AHRR: variants seen among roughly 807,000 people sequenced by gnomAD.
AHRR encodes ahR repressor.
AHRR carries 28 observed loss-of-function variants against 44.0 expected under a neutral mutation model. The ratio of observed to expected loss-of-function variants is 0.64; its 90% CI spans 0.47 to 0.87. AHRR has a LOEUF of 0.87. Among genes scored for constraint, AHRR ranks in the 40% least tolerant of loss-of-function variants. The probability of loss-of-function intolerance (pLI) is 0.00; values close to 1 mark genes in which losing one functional copy is unlikely to be tolerated. For synonymous variants in AHRR, 434 were observed against 407.0 expected, an observed-to-expected ratio of 1.07 and a Z score of -0.80; for missense variants, 990 against 953.9, an observed-to-expected ratio of 1.04 and a Z score of -0.50.
rs1236208707 is a variant in AHRR, at chr5:337,758, A to G, written c.-10-6135A>G. Among the ~76,000 whole-genome samples the G allele has an allele frequency of 6.6e-6, 1 of 152,072 alleles. No individual in the cohort carries two copies. Among genetic ancestry groups the G allele is most frequent in the Non-Finnish European group, 1.5e-5 (1 of 67,982 alleles). On this transcript the variant is annotated intron_variant, in intron 1 of 10. Transcript: ENST00000684583. The surrounding 1 kb of genome is among the most constrained non-coding windows in gnomAD (Gnocchi z 4.1). ...CGCTTGGAAGGGGGCTCCCTTCCCA[A>G]AGCTGGGGCTCGGGCCTCATTGGAG...
In AHRR at chr5:338,032, C is replaced by T. The variant is rs1742202834; in HGVS notation, c.-10-5861C>T. ...TGGAGAGTCTGGAGCCTACAGGCAA[C>T]AAACAGGTAGCTGGCACAGCTTCTG... is the stretch of plus-strand genomic sequence containing the variant. On this transcript the variant is annotated intron_variant, in intron 1 of 10. Transcript: ENST00000684583. The surrounding 1 kb of genome is among the most constrained non-coding windows in gnomAD (Gnocchi z 4.1). Among the ~76,000 whole-genome samples, 1 of 152,186 alleles carries T rather than the reference C, an allele frequency of 6.6e-6. No individual in the cohort carries two copies. Among genetic ancestry groups the T allele is most frequent in the Non-Finnish European group, 1.5e-5 (1 of 68,030 alleles).
chr5:346,881 G>C (rs1259098753), intron 2 of AHRR, among the ~76,000 whole-genome samples: 2 of 152,126 alleles, frequency 1.3e-5, no homozygotes, highest in Non-Finnish European at 2.9e-5. Context: ...CCGCCTCCGG[G>C]GTCTCATGTC....
intron 1 of AHRR, among the ~76,000 whole-genome samples, chr5:341,062 T>A (rs56196428): frequency 0.097 from 14,711 of 151,528 alleles, 2,316 homozygotes; most frequent in African/African-American, 0.33. Context: ...TCGCCCAGGC[T>A]GGAGTGCAGT....
Position 400,306 on chromosome 5 carries a change from C to T in AHRR, c.352-13038C>T, listed in dbSNP as rs1428623313. Among the ~76,000 whole-genome samples the T allele has an allele frequency of 3.3e-5, 5 of 152,198 alleles. No individual in the cohort carries two copies. In the East Asian group the frequency reaches 5.8e-4, roughly 18 times the overall value. On this transcript the variant is annotated intron_variant, in intron 4 of 10. Coordinates refer to ENST00000684583, the MANE Select transcript of AHRR (RefSeq NM_001377236.1). ...TTAAAGGGTTTGACAGAGGAAGTTC[C>T]GGCTTTCTCAGAACGTTTGCCCCAT...
Position 434,033 on chromosome 5 carries a change from C to A in AHRR, c.1293C>A (p.Arg431=). 1 of 1,606,140 alleles carries A rather than the reference C, an allele frequency of 6.2e-7. No individual in the cohort carries two copies. The change falls in exon 11 of 11, where the codon CGC becomes CGA. Residue 431 remains arginine, a synonymous_variant. Transcript: ENST00000684583. ...NDPPSLRPMP[R]GSCLPCPCVQ... is the part of the protein sequence containing the mutation. ...CGCCCTCCCTGCGCCCCATGCCCCG[C>A]GGCTCCTGCCTGCCCTGCCCGTGTG...
rs1734069945 is a variant in AHRR at position 383,705 on chromosome 5, A to G, written c.351+6989A>G. 6.6e-6 allele frequency among the ~76,000 whole-genome samples: 1 copy of G among 152,074 alleles called. No homozygotes were observed. Among genetic ancestry groups the G allele is most frequent in the South Asian group, 2.1e-4 (1 of 4,822 alleles). The stretch of plus-strand genomic sequence containing the variant: ...AGCTTCTTGAGTAGCTGGGACTACA[A>G]GCATGTGCCACCATACCCAGCTAAT... On this transcript the variant is annotated intron_variant, in intron 4 of 10. Transcript: ENST00000684583. This position sits in a 1 kb window ranked among gnomAD's most constrained non-coding sequence, Gnocchi z 4.0.
At chr5:415,394 A>AATCTCCCT (rs1735699984) in intron 5 of AHRR, among the ~76,000 whole-genome samples, 1 of 137,574 alleles carries the variant, frequency 7.3e-6, no homozygotes. Flanking sequence ...CTAGGGGCCG[A>AATCTCCCT]GTCTGCCTGG....
chr5:324,679 C>T (rs1741640255), intron 1 of AHRR, among the ~76,000 whole-genome samples: 1 of 152,064 alleles, frequency 6.6e-6, no homozygotes, highest in Non-Finnish European at 1.5e-5. Flanking sequence ...ATCCCAGCTA[C>T]TCGAGAGGCT....
At chr5:354,011 T>C in intron 3 of AHRR, 100 bp downstream of exon 3, 1 of 1,278,648 alleles carries the variant, frequency 7.8e-7, no homozygotes, top group African/African-American at 1.5e-5. Flanking sequence ...GTCTGGTGGG[T>C]TGCACCATGT....
At chr5:408,257 T>C (rs1420165556) in intron 4 of AHRR, among the ~76,000 whole-genome samples, 1 of 152,250 alleles carries the variant, frequency 6.6e-6, no homozygotes, top group Non-Finnish European at 1.5e-5. Flanking sequence ...CTCCCTACCC[T>C]GTTCCTTGAT....
chr5:431,023 C>G (rs1736700220), intron 8 of AHRR, among the ~76,000 whole-genome samples: 1 of 152,236 alleles, frequency 6.6e-6, no homozygotes. Flanking sequence ...CACGCAAACC[C>G]TGGAACACTG....
chr5:417,324 C>G (rs1274355115), intron 5 of AHRR, among the ~76,000 whole-genome samples: 2 of 150,704 alleles, frequency 1.3e-5, no homozygotes, highest in Middle Eastern at 3.4e-3. Flanking sequence ...GAGAAGGCCG[C>G]TTGGTCTGTA....
chr5:326,275 C>G lies in AHRR; in HGVS notation c.-11+4456C>G, dbSNP rs1208905056. 1.3e-5 allele frequency among the ~76,000 whole-genome samples: 2 copies of G among 152,252 alleles called. No homozygotes were observed. The highest frequency in any genetic ancestry group is 1.3e-4 in the Admixed American group (2 of 15,288). On this transcript the variant is annotated intron_variant, in intron 1 of 10. Coordinates refer to ENST00000684583, the MANE Select transcript of AHRR (RefSeq NM_001377236.1). This position sits in a 1 kb window ranked among gnomAD's most constrained non-coding sequence, Gnocchi z 4.1. The stretch of plus-strand genomic sequence containing the variant: ...ACTCCCCAGTCCCTGCTCCCAGGTC[C>G]TGGCCACCACGAACCTTTTTATCTG...
intron 3 of AHRR, among the ~76,000 whole-genome samples, chr5:375,373 G>A (rs994957681): frequency 2.6e-5 from 4 of 152,196 alleles, no homozygotes; most frequent in Admixed American, 6.5e-5. Flanking sequence ...GAGGCAGCCA[G>A]GAGTCTAAGC....
intron 2 of AHRR, among the ~76,000 whole-genome samples, chr5:347,468 G>A (rs1235109367): frequency 2.0e-5 from 3 of 152,006 alleles, no homozygotes; most frequent in Non-Finnish European, 2.9e-5. Flanking sequence ...TTAGTTCTTC[G>A]AATACATTCC....
At chr5:430,662 G>A (rs1402544786) in intron 8 of AHRR, among the ~76,000 whole-genome samples, 2 of 152,204 alleles carry the variant, frequency 1.3e-5, no homozygotes, top group African/African-American at 4.8e-5. Flanking sequence ...CAGCAGCAGC[G>A]GTTATTTGAA....
intron 2 of AHRR, 82 bp from the exon 3 acceptor site, chr5:353,648 C>A: frequency 7.5e-7 from 1 of 1,330,548 alleles, no homozygotes; most frequent in Non-Finnish European, 1.0e-6. Context: ...CTAGTAAGGT[C>A]ACTGCAGAGG....
At chr5:389,862 C>A (rs751016006) in intron 4 of AHRR, among the ~76,000 whole-genome samples, 13 of 138,002 alleles carry the variant, frequency 9.4e-5, no homozygotes, top group Non-Finnish European at 2.0e-4. Context: ...AACAGAGATG[C>A]ACAGAATGAA....
At chr5:347,576 A>G (rs1468696687) in intron 2 of AHRR, among the ~76,000 whole-genome samples, 3 of 152,242 alleles carry the variant, frequency 2.0e-5, no homozygotes, top group African/African-American at 7.2e-5. Context: ...TTGAGGGGCA[A>G]TGAAAGACAG....
Sources: allele counts gnomAD v4.1 joint callset (sites outside exome capture counted in the v4.1 genomes callset), GRCh38; gene constraint gnomAD v4.1.1; non-coding constraint Gnocchi (gnomAD v3.1); transcripts MANE v1.5; gene names NCBI Gene and HGNC (gene_info 2026-07-23, HGNC 2026-07-21).